The following MDH1 variants were observed in gnomAD, a reference collection of about 807,000 sequenced individuals.
MDH1 encodes the protein malate dehydrogenase, cytoplasmic.
Under a neutral mutation model 38.7 loss-of-function variants are expected in MDH1, and 15 were observed. That is an observed-to-expected ratio of 0.39 (90% CI 0.26 to 0.60). The LOEUF (loss-of-function observed/expected upper bound fraction) is 0.60, where lower values mean the gene tolerates loss of function less well. Among genes scored for constraint, MDH1 ranks in the 20% least tolerant of loss-of-function variants. The pLI, the probability that MDH1 is intolerant of heterozygous loss-of-function variation, is 0.56. For synonymous variants in MDH1, 144 were observed against 143.6 expected (o/e 1.00, Z -0.02); for missense variants, 368 against 405.2 (o/e 0.91, Z 0.79).
chr2:63,604,763 C>G lies in MDH1; in HGVS notation c.566C>G (p.Ser189Trp), dbSNP rs780239437. The G allele has an allele frequency of 1.2e-6, 2 of 1,613,956 alleles. No homozygotes were observed. The highest frequency in any genetic ancestry group is 1.7e-5 in the Admixed American group (1 of 60,002). Residue 189 changes from serine (S) to tryptophan (W), a missense_variant, in exon 6 of 9, where the codon TCG becomes TGG. Coordinates refer to ENST00000233114, the MANE Select transcript of MDH1 (RefSeq NM_005917.4). ...GTCATTATCTGGGGAAACCATTCCT[C>G]GACTCAGTATCCAGATGTCAACCAT... ...KNVIIWGNHS[S>W]TQYPDVNHAK...
chr2:63,603,389 G>T (rs1245714384), intron 5 of MDH1, among the ~76,000 whole-genome samples: 1 of 152,060 alleles, frequency 6.6e-6, no homozygotes, highest in Non-Finnish European at 1.5e-5. Flanking sequence ...CTTTATTTAT[G>T]TGTGCTAAAG....
intron 8 of MDH1, among the ~76,000 whole-genome samples, chr2:63,606,317 G>A (rs1219636138): frequency 6.6e-6 from 1 of 152,144 alleles, no homozygotes; most frequent in Non-Finnish European, 1.5e-5. Context: ...GGAGATCAAG[G>A]CTGCAGTGAA....
intron 2 of MDH1, chr2:63,595,118 C>T (rs1709280387): frequency 5.0e-6 from 2 of 399,318 alleles, no homozygotes; most frequent in Admixed American, 4.0e-5. Context: ...ATCAAATATA[C>T]AGCTATTAAC....
intron 4 of MDH1, 58 bp downstream of exon 4, chr2:63,597,632 T>C: frequency 7.6e-7 from 1 of 1,322,942 alleles, no homozygotes. Context: ...ACTTATGCTT[T>C]TAGCATTTAA....
chr2:63,596,727 A>G (rs1363454000), intron 3 of MDH1, among the ~76,000 whole-genome samples: 3 of 152,194 alleles, frequency 2.0e-5, no homozygotes, highest in Admixed American at 6.5e-5. Flanking sequence ...AGCTTTTTTA[A>G]TACAATCAAC....
At position 63,604,834 on chromosome 2, in the gene MDH1, C is replaced by T. The variant is rs764637361; in HGVS notation, c.637C>T (p.Leu213=). The change falls in exon 6 of 9, where the codon CTG becomes TTG. Residue 213 remains leucine (L), a synonymous_variant. Coordinates refer to ENST00000233114, the MANE Select transcript of MDH1 (RefSeq NM_005917.4). Reference sequence around the variant, plus strand: ...AAAGGAAGTTGGTGTTTATGAAGCTCTGAAAGATGACAGCTGGCTCAAGGG... The same window carrying T: ...AAAGGAAGTTGGTGTTTATGAAGCTTTGAAAGATGACAGCTGGCTCAAGGG... ...QGKEVGVYEA[L]KDDSWLKGEF... is the part of the protein sequence containing the mutation. 5 of 1,614,144 alleles carry T rather than the reference C, an allele frequency of 3.1e-6. No individual in the cohort carries two copies. The Admixed American group carries it at 6.7e-5, about 22-fold the overall frequency.
At chr2:63,599,390 G>A (rs965719174) in intron 5 of MDH1, 98 bp downstream of exon 5, 1 of 1,326,042 alleles carries the variant, frequency 7.5e-7, no homozygotes, top group African/African-American at 1.5e-5. Context: ...CTTTTTTCTT[G>A]TTTTTGTTTA....
chr2:63,597,148 G>C (rs1383720115), intron 3 of MDH1: 1 of 391,962 alleles, frequency 2.6e-6, no homozygotes, highest in Non-Finnish European at 3.5e-6. Context: ...GATTATAAAA[G>C]ATAAAAGCTA....
At chr2:63,599,401 G>T in intron 5 of MDH1, 109 bp downstream of exon 5, 1 of 1,075,712 alleles carries the variant, frequency 9.3e-7, no homozygotes. Flanking sequence ...TTTTTGTTTA[G>T]TAGGAACCTA....
At chr2:63,594,374 T>G (rs1428764085) in intron 1 of MDH1, 114 bp from the exon 2 acceptor site, 8 of 878,358 alleles carry the variant, frequency 9.1e-6, no homozygotes, top group Non-Finnish European at 1.4e-5. Context: ...AAAAGGACTT[T>G]AAAATTTTAC....
intron 8 of MDH1, 48 bp downstream of exon 8, chr2:63,606,076 G>C (rs1411475414): frequency 6.6e-7 from 1 of 1,511,938 alleles, no homozygotes; most frequent in Non-Finnish European, 9.2e-7. Flanking sequence ...GTAGTTATAT[G>C]TTTCTCTTAA....
intron 1 of MDH1, chr2:63,589,308 C>G: frequency 6.4e-7 from 1 of 1,550,718 alleles, no homozygotes; most frequent in Non-Finnish European, 8.7e-7. Context: ...CTTAATCCTG[C>G]TGCATGACGG....
At position 63,597,527 on chromosome 2, in the gene MDH1, A is replaced by C; in HGVS notation, c.328A>C (p.Lys110Gln). The C allele has an allele frequency of 6.6e-7, 1 of 1,506,970 alleles. No individual in the cohort carries two copies. Among genetic ancestry groups the C allele is most frequent in the Non-Finnish European group, 8.9e-7 (1 of 1,119,250 alleles). 93.3% of individuals were successfully genotyped at this position (1,506,970 alleles called of 1,614,324 possible). The part of the protein sequence containing the change: ...DLLKANVKIF[K>Q]SQGAALDKYA... ...ACTGAAAGCAAATGTGAAAATCTTC[A>C]AATCCCAGGGTGCAGCCTTAGATAA... Residue 110 changes from lysine to glutamine, a missense_variant, in exon 4 of 9, where the codon AAA becomes CAA. By Grantham distance (53) the Lys-to-Gln change is moderately conservative. Coordinates refer to ENST00000233114, the MANE Select transcript of MDH1 (RefSeq NM_005917.4).
At chr2:63,593,329 G>A (rs1709238438) in intron 1 of MDH1, 1 of 284,046 alleles carries the variant, frequency 3.5e-6, no homozygotes, top group African/African-American at 2.2e-5. Context: ...CCCAACCTCA[G>A]GTGATCCGCC....
At position 63,599,292 on chromosome 2, in the gene MDH1, A is replaced by C. The variant is rs373786672; in HGVS notation, c.498A>C (p.Gln166His). ...TGGATCACAACCGAGCTAAAGCTCA[A>C]GTAAGAAAAATATATTTTAAATCTT... ...TRLDHNRAKAQIALKLGVTAN... is the reference protein window; with the variant it reads ...TRLDHNRAKAHIALKLGVTAN... Residue 166 changes from glutamine to histidine, a missense_variant and splice_region_variant, in exon 5 of 9, where the codon CAA becomes CAC. Transcript: ENST00000233114. The C allele has an allele frequency of 4.5e-5, 72 of 1,609,208 alleles. No homozygotes were observed. The highest frequency in any genetic ancestry group is 6.1e-5 in the Non-Finnish European group (72 of 1,177,748).
At chr2:63,591,388 A>C (rs540821902) in intron 1 of MDH1, among the ~76,000 whole-genome samples, 1 of 152,348 alleles carries the variant, frequency 6.6e-6, no homozygotes, top group Non-Finnish European at 1.5e-5. Flanking sequence ...GGAATTACCT[A>C]CCTGGGAAAG....
chr2:63,589,143 G>C, intron 1 of MDH1, 97 bp downstream of exon 1: 2 of 1,613,036 alleles, frequency 1.2e-6, no homozygotes, highest in Non-Finnish European at 1.7e-6. Flanking sequence ...AGCTGTGCAA[G>C]GCACTGTCCT....
intron 5 of MDH1, among the ~76,000 whole-genome samples, chr2:63,601,326 T>A (rs1267664106): frequency 2.0e-5 from 3 of 152,226 alleles, no homozygotes; most frequent in Non-Finnish European, 1.5e-5. Context: ...TTCAGAGGCC[T>A]TAGCGACTTA....
chr2:63,596,604 A>G (rs1709316096), intron 3 of MDH1, among the ~76,000 whole-genome samples: 2 of 152,114 alleles, frequency 1.3e-5, no homozygotes, highest in African/African-American at 4.8e-5. Context: ...AGAGGAAGAT[A>G]ATTTTTTTTT....
Sources: allele counts gnomAD v4.1 joint callset (sites outside exome capture counted in the v4.1 genomes callset), GRCh38; gene constraint gnomAD v4.1.1; transcripts MANE v1.5; gene names NCBI Gene and HGNC (gene_info 2026-07-23, HGNC 2026-07-21).